PLXNB3: variants seen among roughly 807,000 people sequenced by gnomAD.
The protein encoded by PLXNB3 is plexin B3, also known as plexin-B3.
PLXNB3 carries 80 observed loss-of-function variants against 125.7 expected under a neutral mutation model. The ratio of observed to expected loss-of-function variants is 0.64; its 90% confidence interval spans 0.53 to 0.77. PLXNB3 has a LOEUF of 0.77. Ranked by LOEUF, PLXNB3 falls within the 30% of genes least tolerant of loss-of-function variation. The pLI, the probability that PLXNB3 is intolerant of heterozygous loss-of-function variation, is 0.00. For missense variants in PLXNB3, 1,836 were observed against 1,729.3 expected (o/e 1.06, Z -1.09); for synonymous variants, 954 against 783.3 (o/e 1.22, Z -3.64).
chrX:153,771,823 G>T (rs781818734), intron 14 of PLXNB3, 41 bp from the exon 15 acceptor site: 186 of 1,189,732 alleles, frequency 1.6e-4, no homozygotes, highest in Non-Finnish European at 2.0e-4. Context: ...AGTGGAGCGT[G>T]GGTGCGGGGG....
Position 153,773,675 on chromosome X carries a change from C to G in PLXNB3, c.3241C>G (p.Pro1081Ala). Reference protein sequence around the residue: ...RRSCGAPAADPQACIQLGGGL... With the variant: ...RRSCGAPAADAQACIQLGGGL... ...GAGCTGTGGAGCCCCTGCTGCGGAC[C>G]CCCAGGCTTGTATCCAGCTCGGTGG... Residue 1081 changes from proline to alanine, a missense_variant, in exon 19 of 36, where the codon CCC becomes GCC. By Grantham distance (27) the Pro-to-Ala change is conservative (BLOSUM62 -1). Coordinates refer to ENST00000361971, the MANE Select transcript of PLXNB3 (RefSeq NM_005393.3). 1.7e-6 allele frequency: 2 copies of G among 1,173,871 alleles called. No individual in the cohort carries two copies. The highest frequency in any genetic ancestry group is 3.5e-5 in the African/African-American group (2 of 57,065).
At position 153,768,899 on chromosome X, in the gene PLXNB3, G is replaced by C. The variant is rs782142604; in HGVS notation, c.1267-49G>C. 19 of 1,185,719 alleles carry C rather than the reference G, an allele frequency of 1.6e-5. No homozygotes were observed. In the South Asian group the frequency reaches 3.6e-4, roughly 22 times the overall value. On this transcript the variant is annotated intron_variant, in intron 4 of 35. Transcript: ENST00000361971. ...AGGAGGAGGGCGTGTCCCTGGAACA[G>C]GCAACCTTTGGCCATCTGGCCCAGC...
chrX:153,768,024 C>A, intron 3 of PLXNB3, 111 bp downstream of exon 3: 1 of 854,979 alleles, frequency 1.2e-6, no homozygotes, highest in South Asian at 2.8e-5. Context: ...AGCCAGGGGT[C>A]AGCTGAGTCT....
At position 153,770,546 on chromosome X, in the gene PLXNB3, C is replaced by A. The variant is rs138353511; in HGVS notation, c.1914C>A (p.Gly638=). 2 of 1,210,317 alleles carry A rather than the reference C, an allele frequency of 1.7e-6. No individual in the cohort carries two copies. Among genetic ancestry groups the A allele is most frequent in the African/African-American group, 3.5e-5 (2 of 57,804 alleles). Residue 638 remains glycine, a synonymous_variant, in exon 10 of 36, where the codon GGC becomes GGA. Coordinates refer to ENST00000361971, the MANE Select transcript of PLXNB3 (RefSeq NM_005393.3). ...CCTCTAGGTGTCGCGCTTGCGTGGG[C>A]AGCATCTGGCGGTGTCACTGGTGCC... is the stretch of plus-strand genomic sequence containing the variant. The part of the protein sequence containing the change: ...EAAAPCRACV[G]SIWRCHWCPQ...
intron 12 of PLXNB3, 31 bp from the exon 13 acceptor site, chrX:153,771,279 C>T: frequency 8.8e-7 from 1 of 1,136,945 alleles, no homozygotes; most frequent in South Asian, 1.8e-5. Flanking sequence ...CCTGAGTGGG[C>T]ACCCAGCCTG....
intron 34 of PLXNB3, 40 bp from the exon 35 acceptor site, chrX:153,778,559 AG>A (rs1557065389): frequency 8.5e-7 from 1 of 1,171,793 alleles, no homozygotes; most frequent in Non-Finnish European, 1.2e-6. Context: ...CTTGAGGACC[AG>A]GCTGGGACCT....
In PLXNB3 at chrX:153,770,218, G is replaced by A; in HGVS notation, c.1756G>A (p.Asp586Asn). 8.3e-7 allele frequency: 1 copy of A among 1,211,235 alleles called. No homozygotes were observed. Among genetic ancestry groups the A allele is most frequent in the Non-Finnish European group, 1.1e-6 (1 of 895,543 alleles). Residue 586 changes from aspartate to asparagine, a missense_variant, in exon 8 of 36, where the codon GAC (aspartate) becomes AAC (asparagine). Asp to Asn is a conservative substitution (Grantham distance 23, BLOSUM62 1). Coordinates refer to ENST00000361971, the MANE Select transcript of PLXNB3 (RefSeq NM_005393.3). ...CGTGGCCTGTGTCACCCCTCCCCAAGACCAGGTGCCACTTAACCCTCCAGG... is the reference window on the plus strand; with the variant it reads ...CGTGGCCTGTGTCACCCCTCCCCAAAACCAGGTGCCACTTAACCCTCCAGG... ...PHVACVTPPQ[D>N]QVPLNPPGTD...
chrX:153,773,289 G>A lies in PLXNB3; in HGVS notation c.2966G>A (p.Gly989Glu). ...CGTACCAGGCCCCAGGCTGCCCCAG[G>A]AGAAGCAGCGGTCCTTGTGGTCTTT... Reference protein sequence around the residue: ...VCRTRPQAAPGEAAVLVVFGH... With the variant: ...VCRTRPQAAPEEAAVLVVFGH... The change falls in exon 18 of 36, where the codon GGA becomes GAA. Residue 989 changes from glycine to glutamate, a missense_variant. By Grantham distance (98) the Gly-to-Glu change is moderately conservative. Transcript: ENST00000361971. 8.3e-7 allele frequency: 1 copy of A among 1,210,092 alleles called. No individual in the cohort carries two copies. Among genetic ancestry groups the A allele is most frequent in the African/African-American group, 1.7e-5 (1 of 57,968 alleles).
chrX:153,765,043 C>T (rs961602832), intron 1 of PLXNB3, among the ~76,000 whole-genome samples: 8 of 113,186 alleles, frequency 7.1e-5, no homozygotes, highest in Non-Finnish European at 1.3e-4. Flanking sequence ...GGCTACCAGC[C>T]GGCATTTGCA....
At position 153,777,339 on chromosome X, in the gene PLXNB3, G is replaced by T. The variant is rs782079909; in HGVS notation, c.5059G>T (p.Ala1687Ser). Reference protein sequence around the residue: ...LREREPARAKAIPEIYLTRLL... With the variant: ...LREREPARAKSIPEIYLTRLL... ...GGAGCGCGAGCCAGCAAGGGCCAAGGCCATTCCGGAAATCTACCTCACCCG... is the reference window on the plus strand; with the variant it reads ...GGAGCGCGAGCCAGCAAGGGCCAAGTCCATTCCGGAAATCTACCTCACCCG... The change falls in exon 30 of 36, where the codon GCC (alanine) becomes TCC (serine). Residue 1687 changes from alanine to serine, a missense_variant. Transcript: ENST00000361971. The T allele has an allele frequency of 3.3e-6, 4 of 1,205,069 alleles. No homozygotes were observed. The Admixed American group carries it at 8.7e-5, about 26-fold the overall frequency.
Position 153,767,909 on chromosome X carries a change from C to A in PLXNB3, c.1082C>A (p.Pro361His). The A allele has an allele frequency of 3.7e-6, 4 of 1,091,746 alleles. No homozygotes were observed. The highest frequency in any genetic ancestry group is 4.8e-6 in the Non-Finnish European group (4 of 840,116). 90.0% of individuals were successfully genotyped at this position (1,091,746 alleles called of 1,213,427 possible). ...YGVTSRCVTL[P>H]LDSPESYPCG... ...GTCACGTCGCGCTGCGTCACCCTGCCCCTTGTGAGTGGCATGCCCTTCCAT... is the reference window on the plus strand; with the variant it reads ...GTCACGTCGCGCTGCGTCACCCTGCACCTTGTGAGTGGCATGCCCTTCCAT... The change falls in exon 3 of 36, where the codon CCC becomes CAC. Residue 361 changes from proline (P) to histidine (H), a missense_variant. Coordinates refer to ENST00000361971, the MANE Select transcript of PLXNB3 (RefSeq NM_005393.3).
Position 153,770,604 on chromosome X carries a change from T to C in PLXNB3, c.1972T>C (p.Cys658Arg). 8.3e-7 allele frequency: 1 copy of C among 1,211,318 alleles called. No individual in the cohort carries two copies. Among genetic ancestry groups the C allele is most frequent in the African/African-American group, 1.7e-5 (1 of 58,126 alleles). Residue 658 changes from cysteine to arginine, a missense_variant, in exon 10 of 36, where the codon TGC becomes CGC. Physicochemically the swap from Cys to Arg is radical, Grantham distance 180 (BLOSUM62 -3). Coordinates refer to ENST00000361971, the MANE Select transcript of PLXNB3 (RefSeq NM_005393.3). ...QSSHCVYGEH[C>R]PEGERTIYSA... ...TAGCCACTGCGTGTACGGAGAGCAC[T>C]GCCCAGAGGGCGAGAGGACCATCTA...
rs1307735377 is a variant in PLXNB3, at chrX:153,767,337, A to C, written c.510A>C (p.Gly170=). 1 of 1,202,440 alleles carries C rather than the reference A, an allele frequency of 8.3e-7. No individual in the cohort carries two copies. Among genetic ancestry groups the C allele is most frequent in the Non-Finnish European group, 1.1e-6 (1 of 891,550 alleles). The change falls in exon 3 of 36, where the codon GGA becomes GGC. Residue 170 remains glycine (G), a synonymous_variant. Transcript: ENST00000361971. ...DGQFVAANTP[G]VATVGLVVPL... is the part of the protein sequence containing the mutation. ...AGTTTGTGGCTGCCAATACCCCGGG[A>C]GTGGCAACGGTGGGGCTGGTGGTGC...
rs782540666 is a variant in PLXNB3 at position 153,774,302 on chromosome X, C to T, written c.3636C>T (p.His1212=). 28 of 1,161,026 alleles carry T rather than the reference C, an allele frequency of 2.4e-5. 1 individual carries two copies. In the Admixed American group the frequency reaches 2.8e-4, roughly 11 times the overall value. ...RTHLYCEPPA[H]APQPANGSGL... ...ACCTGTACTGCGAGCCGCCTGCGCACGCCCCGCAGCCTGCCAATGGCTCCG... is the reference window on the plus strand; with the variant it reads ...ACCTGTACTGCGAGCCGCCTGCGCATGCCCCGCAGCCTGCCAATGGCTCCG... The change falls in exon 21 of 36, where the codon CAC becomes CAT. Residue 1212 remains histidine, a synonymous_variant. Coordinates refer to ENST00000361971, the MANE Select transcript of PLXNB3 (RefSeq NM_005393.3).
Position 153,778,982 on chromosome X carries a change from G to A in PLXNB3, c.5673G>A (p.Leu1891=). ...ACCCTGTGGGCCAGAAGCTGCAGCT[G>A]GCCTGCCGCCTGCAGCAGGTCGCCG... is the stretch of plus-strand genomic sequence containing the variant. ...EEDPVGQKLQ[L]ACRLQQVAAL... The change falls in exon 36 of 36, where the codon CTG becomes CTA. Residue 1891 remains leucine, a synonymous_variant. Transcript: ENST00000361971. 1 of 1,198,967 alleles carries A rather than the reference G, an allele frequency of 8.3e-7. No homozygotes were observed. Among genetic ancestry groups the A allele is most frequent in the Non-Finnish European group, 1.1e-6 (1 of 889,632 alleles).
chrX:153,766,166 G>A (rs781990912), intron 2 of PLXNB3: 61 of 1,117,626 alleles, frequency 5.5e-5, no homozygotes, highest in African/African-American at 7.3e-5. Flanking sequence ...CAGCACCCCC[G>A]CTGCCTTGCC....
chrX:153,772,329 G>GAGGGAGGGCC (rs782025924), intron 16 of PLXNB3, 42 bp downstream of exon 16: 1 of 999,037 alleles, frequency 1.0e-6, no homozygotes, highest in Non-Finnish European at 1.4e-6. Context: ...GGGAGGGTAG[G>GAGGGAGGGCC]AGGGAGGGCC....
chrX:153,766,974 A>C lies in PLXNB3; in HGVS notation c.147A>C (p.Ala49=). The C allele has an allele frequency of 8.3e-7, 1 of 1,209,968 alleles. No homozygotes were observed. Among genetic ancestry groups the C allele is most frequent in the Non-Finnish European group, 1.1e-6 (1 of 895,235 alleles). The change falls in exon 3 of 36, where the codon GCA becomes GCC. Residue 49 remains alanine, a synonymous_variant. Coordinates refer to ENST00000361971, the MANE Select transcript of PLXNB3 (RefSeq NM_005393.3). ...LPLTGAHRFS[A]PNTTLNHLAL... ...TGACAGGGGCCCATCGCTTCTCCGCACCTAATACCACTCTCAACCACTTGG... is the reference window on the plus strand; with the variant it reads ...TGACAGGGGCCCATCGCTTCTCCGCCCCTAATACCACTCTCAACCACTTGG...
At chrX:153,769,490 CAGCCAGGGTCCAGAA>C in intron 6 of PLXNB3, among the ~76,000 whole-genome samples, 1 of 112,552 alleles carries the variant, frequency 8.9e-6, no homozygotes, top group Non-Finnish European at 1.9e-5. Flanking sequence ...CCAGCAGCCC[CAGCCAGGGTCCAGAA>C]CCCCACACAG....
Sources: gnomAD v4.1 joint callset for allele counts (sites outside exome capture counted in the v4.1 genomes callset) on GRCh38, gnomAD v4.1.1 for gene constraint, MANE v1.5 for transcripts, NCBI Gene and HGNC (gene_info 2026-07-23, HGNC 2026-07-21) for gene names.